Variants in ABCA1 observed in about 807,000 individuals in gnomAD.
ABCA1 encodes phospholipid-transporting ATPase ABCA1.
A neutral mutation model predicts 262.5 loss-of-function variants in ABCA1; 133 were observed. That is an observed-to-expected ratio of 0.51 (90% CI 0.44 to 0.59). ABCA1 has a LOEUF of 0.59. ABCA1 is among the 20% of genes least tolerant of loss of function. ABCA1 has a pLI of 0.00. For missense variants in ABCA1, 2,452 were observed against 2,777.5 expected, an observed-to-expected ratio of 0.88 and a Z score of 2.63; for synonymous variants, 1,022 against 1,043.5, an observed-to-expected ratio of 0.98 and a Z score of 0.40.
At chr9:104,856,633 T>C (rs1456372822) in intron 7 of ABCA1, among the ~76,000 whole-genome samples, 3 of 152,284 alleles carry the variant, frequency 2.0e-5, no homozygotes, top group South Asian at 2.1e-4. Context: ...ATTCAGGCAT[T>C]GTGTGAGTGG....
At chr9:104,858,834 C>T in intron 6 of ABCA1, 136 bp from the exon 7 acceptor site, 1 of 839,292 alleles carries the variant, frequency 1.2e-6, no homozygotes, top group East Asian at 2.6e-5. Flanking sequence ...TGCAACAGTC[C>T]AATGCATCAG....
chr9:104,838,305 CAA>C (rs35594183), intron 9 of ABCA1, among the ~76,000 whole-genome samples: 47 of 105,324 alleles, frequency 4.5e-4, no homozygotes, highest in Non-Finnish European at 4.0e-4. Context: ...CTCTGTCTCC[CAA>C]AAAAAAAAAA....
chr9:104,809,611 G>T, intron 29 of ABCA1, 47 bp from the exon 30 acceptor site: 1 of 1,473,676 alleles, frequency 6.8e-7, no homozygotes. Context: ...ATTAAAACCA[G>T]TAATCGAGAG....
chr9:104,869,794 CA>C (rs924707405), intron 5 of ABCA1, among the ~76,000 whole-genome samples: 2 of 152,078 alleles, frequency 1.3e-5, no homozygotes, highest in Non-Finnish European at 2.9e-5. Flanking sequence ...CGAGGGATAC[CA>C]AGACATACCT....
chr9:104,880,292 AT>A (rs1838515119), intron 5 of ABCA1, among the ~76,000 whole-genome samples: 1 of 152,182 alleles, frequency 6.6e-6, no homozygotes. Context: ...ATACTGACAT[AT>A]GCCAGTCTCA....
chr9:104,788,640 T>G (rs937019231), intron 44 of ABCA1, 73 bp from the exon 45 acceptor site: 6 of 1,556,054 alleles, frequency 3.9e-6, no homozygotes, highest in Non-Finnish European at 5.3e-6. Flanking sequence ...TGGCCTAATG[T>G]TCCTGTAAAG....
chr9:104,855,356 C>T (rs1405641449), intron 7 of ABCA1: 1 of 175,358 alleles, frequency 5.7e-6, no homozygotes, highest in Non-Finnish European at 1.1e-5. Flanking sequence ...GCCACCACGC[C>T]TGCCTGGCAA....
intron 5 of ABCA1, among the ~76,000 whole-genome samples, chr9:104,869,247 AAGG>A (rs544544457): frequency 3.2e-4 from 49 of 152,112 alleles, no homozygotes; most frequent in African/African-American, 1.1e-3. Context: ...AATGAAAAAA[AAGG>A]AGAAGTAGGG....
At position 104,826,951 on chromosome 9, in the gene ABCA1, G is replaced by A. The variant is rs766406244; in HGVS notation, c.2334C>T (p.Phe778=). The A allele has an allele frequency of 6.8e-6, 11 of 1,613,502 alleles. No homozygotes were observed. The highest frequency in any genetic ancestry group is 5.5e-5 in the South Asian group (5 of 91,048). The change falls in exon 16 of 50, where the codon TTC becomes TTT. Residue 778 remains phenylalanine, a synonymous_variant. Coordinates refer to ENST00000374736, the MANE Select transcript of ABCA1 (RefSeq NM_005502.4). ...AAGAAAGGCCAGAGGTACTCACAGCGAAGATCTTGAGTGTGAAGCCCACGT... is the reference window on the plus strand; with the variant it reads ...AAGAAAGGCCAGAGGTACTCACAGCAAAGATCTTGAGTGTGAAGCCCACGT... ...QDYVGFTLKI[F]ASLLSPVAFG...
chr9:104,801,975 C>G, intron 34 of ABCA1, 79 bp downstream of exon 34: 1 of 1,307,548 alleles, frequency 7.6e-7, no homozygotes, highest in Non-Finnish European at 1.1e-6. Context: ...CCAGGTGATC[C>G]GTTTAACCTG....
intron 37 of ABCA1, among the ~76,000 whole-genome samples, chr9:104,797,802 AC>A (rs2118881996): frequency 6.6e-6 from 1 of 152,276 alleles, no homozygotes; most frequent in African/African-American, 2.4e-5. Flanking sequence ...ATATCCAGGG[AC>A]TTGTTCGGTG....
chr9:104,802,497 T>C (rs912054862), intron 33 of ABCA1, among the ~76,000 whole-genome samples: 5 of 151,508 alleles, frequency 3.3e-5, no homozygotes, highest in Non-Finnish European at 5.9e-5. Context: ...AGATGGGGAG[T>C]TGGGAGAGTG....
intron 7 of ABCA1, among the ~76,000 whole-genome samples, chr9:104,848,387 G>A (rs1835078172): frequency 6.6e-6 from 1 of 152,036 alleles, no homozygotes. Flanking sequence ...AGCCAAAGTG[G>A]GTGGATCACC....
intron 4 of ABCA1, among the ~76,000 whole-genome samples, 176 bp downstream of exon 4, chr9:104,884,251 C>A (rs1838956994): frequency 6.6e-6 from 1 of 152,170 alleles, no homozygotes; most frequent in Non-Finnish European, 1.5e-5. Context: ...ATGGATACCC[C>A]AAATACCCCA....
rs894752064 is a variant in ABCA1 at position 104,817,950 on chromosome 9, C to T, written c.3463-546G>A. ...GGTTGGGATGTAAATACATTAGGTA[C>T]CACTGGCTTCAACACACAAATAAAT... On this transcript the variant is annotated intron_variant, in intron 23 of 49. Coordinates refer to ENST00000374736, the MANE Select transcript of ABCA1 (RefSeq NM_005502.4). This position sits in a 1 kb window ranked among gnomAD's most constrained non-coding sequence, Gnocchi z 4.7. Among the ~76,000 whole-genome samples the T allele has an allele frequency of 6.6e-6, 1 of 152,144 alleles. No individual in the cohort carries two copies. Among genetic ancestry groups the T allele is most frequent in the African/African-American group, 2.4e-5 (1 of 41,436 alleles).
chr9:104,906,365 G>A (rs1283632587), intron 1 of ABCA1, among the ~76,000 whole-genome samples: 1 of 152,152 alleles, frequency 6.6e-6, no homozygotes, highest in Non-Finnish European at 1.5e-5. Context: ...GAGAAGAAGG[G>A]AAGGATGAGT....
chr9:104,820,324 G>A (rs1427009256), intron 20 of ABCA1, among the ~76,000 whole-genome samples: 2 of 152,186 alleles, frequency 1.3e-5, no homozygotes, highest in Non-Finnish European at 2.9e-5. Context: ...TGGCCACCAT[G>A]CACCAGGCAG....
At chr9:104,785,726 T>C (rs928236984) in intron 48 of ABCA1, 87 bp from the exon 49 acceptor site, 3 of 1,563,204 alleles carry the variant, frequency 1.9e-6, no homozygotes, top group Non-Finnish European at 2.6e-6. Context: ...ACTTGTGCCA[T>C]GAAAAAGGGC....
At chr9:104,885,999 CT>C (rs1384729371) in intron 3 of ABCA1, among the ~76,000 whole-genome samples, 3 of 152,200 alleles carry the variant, frequency 2.0e-5, no homozygotes, top group African/African-American at 7.2e-5. Context: ...GTTTTCTCAT[CT>C]GTAAAATGGT....
Sources: gnomAD v4.1 joint callset for allele counts (sites outside exome capture counted in the v4.1 genomes callset) on GRCh38, gnomAD v4.1.1 for gene constraint, Gnocchi (gnomAD v3.1) non-coding constraint, MANE v1.5 for transcripts, NCBI Gene and HGNC (gene_info 2026-07-23, HGNC 2026-07-21) for gene names.